Variants in ABCC4 observed in about 807,000 individuals in gnomAD.
The protein encoded by ABCC4 is ATP binding cassette subfamily C member 4 (PEL blood group), also known as ATP-binding cassette sub-family C member 4.
ABCC4 carries 102 observed loss-of-function variants against 168.5 expected under a neutral mutation model. That is an observed-to-expected ratio of 0.61 (90% CI 0.52 to 0.71). The LOEUF (loss-of-function observed/expected upper bound fraction) is 0.71. ABCC4 is among the 30% of genes least tolerant of loss of function. The pLI, the probability that ABCC4 is intolerant of heterozygous loss-of-function variation, is 0.00. For missense variants in ABCC4, 1,402 were observed against 1,605.8 expected (o/e 0.87, Z 2.17); for synonymous variants, 617 against 590.7 (o/e 1.04, Z -0.65).
At chr13:95,170,419 T>G in intron 14 of ABCC4, 113 bp downstream of exon 14, 2 of 614,442 alleles carry the variant, frequency 3.3e-6, no homozygotes, top group Admixed American at 3.5e-5. Flanking sequence ...AGTTAATACT[T>G]AAAAACATGA....
chr13:95,132,039 C>T (rs995070821), intron 19 of ABCC4, among the ~76,000 whole-genome samples: 4 of 152,108 alleles, frequency 2.6e-5, no homozygotes, highest in Non-Finnish European at 4.4e-5. Context: ...AGTCAAAGGG[C>T]AGAAGCAACC....
At chr13:95,151,849 T>A (rs370171775) in intron 19 of ABCC4, among the ~76,000 whole-genome samples, 2 of 152,208 alleles carry the variant, frequency 1.3e-5, no homozygotes, top group African/African-American at 4.8e-5. Context: ...ACCGACTTAG[T>A]TACCACAAAC....
At chr13:95,083,315 G>A (rs1424093189) in intron 20 of ABCC4, 25 bp from the exon 21 acceptor site, 1 of 1,608,356 alleles carries the variant, frequency 6.2e-7, no homozygotes, top group African/African-American at 1.3e-5. Flanking sequence ...GTAGATGCAG[G>A]TTTTCCTTAT....
Position 95,075,498 on chromosome 13 carries a change from T to C in ABCC4, c.2740A>G (p.Ile914Val). The C allele has an allele frequency of 6.2e-7, 1 of 1,614,134 alleles. No individual in the cohort carries two copies. Among genetic ancestry groups the C allele is most frequent in the South Asian group, 1.1e-5 (1 of 91,074 alleles). ...CTCTCTTCTGCTTTGTATGCCCGGA[T>C]GGTCCAGAGCCCCTGGAGAGAAGAT... ...LSSSLQGLWT[I>V]RAYKAEERCQ... The change falls in exon 22 of 31, where the codon ATC becomes GTC. Residue 914 changes from isoleucine (I) to valine (V), a missense_variant. Ile to Val is a conservative substitution (Grantham distance 29). This residue lies in a region of ABCC4 where 1,007 missense variants were observed against 1,127.3 expected (regional missense o/e 0.89). Transcript: ENST00000645237.
At chr13:95,254,040 C>T (rs1428380965) in intron 1 of ABCC4, among the ~76,000 whole-genome samples, 2 of 152,064 alleles carry the variant, frequency 1.3e-5, no homozygotes, top group Non-Finnish European at 2.9e-5. Flanking sequence ...TAACAAGGCA[C>T]GTGCTACCAT....
intron 19 of ABCC4, among the ~76,000 whole-genome samples, chr13:95,123,754 A>G (rs1434255080): frequency 7.9e-5 from 12 of 152,246 alleles, no homozygotes; most frequent in Non-Finnish European, 4.4e-5. Context: ...ACATGAGCAC[A>G]CACGCAGGTG....
chr13:95,046,432 T>A (rs1004063044), intron 27 of ABCC4, among the ~76,000 whole-genome samples: 1 of 152,142 alleles, frequency 6.6e-6, no homozygotes, highest in Non-Finnish European at 1.5e-5. Flanking sequence ...CTTCTGAGAC[T>A]CTGTCATCAT....
At chr13:95,105,966 C>T (rs976492260) in intron 20 of ABCC4, among the ~76,000 whole-genome samples, 3 of 152,170 alleles carry the variant, frequency 2.0e-5, no homozygotes, top group African/African-American at 7.2e-5. Flanking sequence ...CAGGGTAAGC[C>T]GGTTACCGGC....
At chr13:95,059,046 T>C (rs2033183563) in intron 26 of ABCC4, among the ~76,000 whole-genome samples, 1 of 152,262 alleles carries the variant, frequency 6.6e-6, no homozygotes, top group African/African-American at 2.4e-5. Context: ...TATCGTGTTG[T>C]GAGACTTTTG....
At chr13:95,219,733 G>A (rs941801114) in intron 4 of ABCC4, among the ~76,000 whole-genome samples, 1 of 152,154 alleles carries the variant, frequency 6.6e-6, no homozygotes, top group Non-Finnish European at 1.5e-5. Flanking sequence ...TGTCCAAGCT[G>A]GTCTTGAACT....
intron 4 of ABCC4, among the ~76,000 whole-genome samples, chr13:95,226,741 C>G (rs894667081): frequency 3.3e-5 from 5 of 152,110 alleles, no homozygotes; most frequent in African/African-American, 1.2e-4. Flanking sequence ...ACTCAACACC[C>G]GGGCTCTCCT....
Position 95,264,358 on chromosome 13 carries a change from T to C in ABCC4, c.75-16605A>G, listed in dbSNP as rs569615267. 2.6e-5 allele frequency among the ~76,000 whole-genome samples: 4 copies of C among 152,306 alleles called. No homozygotes were observed. In the South Asian group the frequency reaches 8.3e-4, roughly 32 times the overall value. ...TTTCATGAGAAGCAAGATATTTTCATAGCCTCCAATTATCTCCCCATAAAA... is the reference window on the plus strand; with the variant it reads ...TTTCATGAGAAGCAAGATATTTTCACAGCCTCCAATTATCTCCCCATAAAA... On this transcript the variant is annotated intron_variant, in intron 1 of 30. Transcript: ENST00000645237.
intron 1 of ABCC4, among the ~76,000 whole-genome samples, chr13:95,268,007 G>A (rs1158834378): frequency 6.6e-6 from 1 of 152,300 alleles, no homozygotes; most frequent in South Asian, 2.1e-4. Context: ...TCTGGGCATT[G>A]TCAGACACTA....
intron 11 of ABCC4, among the ~76,000 whole-genome samples, chr13:95,184,497 A>C (rs1447402835): frequency 6.6e-6 from 1 of 152,186 alleles, no homozygotes; most frequent in Non-Finnish European, 1.5e-5. Context: ...TTGAACTGCA[A>C]ATGTTCAAGT....
intron 20 of ABCC4, among the ~76,000 whole-genome samples, chr13:95,093,583 A>G (rs540163616): frequency 6.6e-6 from 1 of 152,294 alleles, no homozygotes; most frequent in South Asian, 2.1e-4. Context: ...CACAGCCAAC[A>G]TGATACTGAA....
chr13:95,105,763 GC>G (rs1475426534), intron 20 of ABCC4, among the ~76,000 whole-genome samples: 1 of 152,156 alleles, frequency 6.6e-6, no homozygotes, highest in Non-Finnish European at 1.5e-5. Flanking sequence ...CAACAGCATA[GC>G]TTGGAATGGA....
intron 19 of ABCC4, among the ~76,000 whole-genome samples, chr13:95,124,939 C>T (rs1375365082): frequency 6.6e-6 from 1 of 151,370 alleles, no homozygotes; most frequent in Non-Finnish European, 1.5e-5. Flanking sequence ...CTAACCCAGA[C>T]CATTTTCTTA....
intron 9 of ABCC4, among the ~76,000 whole-genome samples, chr13:95,189,054 C>T (rs2038163864): frequency 6.6e-6 from 1 of 151,492 alleles, no homozygotes; most frequent in African/African-American, 2.4e-5. Flanking sequence ...TTGCCCCCCA[C>T]CCACCGACAA....
intron 26 of ABCC4, among the ~76,000 whole-genome samples, chr13:95,060,415 T>C (rs775941003): frequency 6.6e-6 from 1 of 152,228 alleles, no homozygotes; most frequent in Non-Finnish European, 1.5e-5. Flanking sequence ...AGAGTTCTTT[T>C]ATGTACACAA....
Sources: allele counts gnomAD v4.1 joint callset (sites outside exome capture counted in the v4.1 genomes callset), GRCh38; gene constraint gnomAD v4.1.1; regional missense constraint gnomAD v4.1.1; transcripts MANE v1.5; gene names NCBI Gene and HGNC (gene_info 2026-07-23, HGNC 2026-07-21).